The following RPS6KA2 variants were observed in gnomAD, a reference collection of about 807,000 sequenced individuals.
RPS6KA2 encodes ribosomal protein S6 kinase A2, also known as ribosomal protein S6 kinase alpha-2.
In RPS6KA2, 42 loss-of-function variants were observed where a neutral mutation model predicts 91.8. The observed-to-expected ratio is 0.46, with a 90% confidence interval of 0.36 to 0.59. The LOEUF (loss-of-function observed/expected upper bound fraction) is 0.59, where lower values mean the gene tolerates loss of function less well. RPS6KA2 is among the 20% of genes least tolerant of loss of function. The pLI, the probability that RPS6KA2 is intolerant of heterozygous loss-of-function variation, is 0.00. For missense variants in RPS6KA2, 798 were observed against 978.5 expected, an observed-to-expected ratio of 0.82 and a Z score of 2.46; for synonymous variants, 414 against 393.6, an observed-to-expected ratio of 1.05 and a Z score of -0.61.
At chr6:166,661,558 A>G (rs1477714306) in intron 2 of RPS6KA2, among the ~76,000 whole-genome samples, 3 of 152,002 alleles carry the variant, frequency 2.0e-5, no homozygotes, top group Non-Finnish European at 4.4e-5. Flanking sequence ...TTGTTTTCTA[A>G]GAGTTTTTGG....
At chr6:166,473,511 G>A (rs993376364) in intron 10 of RPS6KA2, among the ~76,000 whole-genome samples, 5 of 152,082 alleles carry the variant, frequency 3.3e-5, no homozygotes, top group South Asian at 2.1e-4. Context: ...TCATTGCACC[G>A]ATTCTGTCCA....
At chr6:166,717,630 A>G (rs1335186358) in intron 2 of RPS6KA2, among the ~76,000 whole-genome samples, 1 of 152,166 alleles carries the variant, frequency 6.6e-6, no homozygotes. Context: ...TGGGGTGCAC[A>G]GCACACGTTC....
rs3066763 is a variant in RPS6KA2 at position 166,759,066 on chromosome 6, CGTGT to C, written c.123+99130_123+99133del. Among the ~76,000 whole-genome samples the C allele has an allele frequency of 1.6e-3, 247 of 151,568 alleles. 4 individuals are homozygous for C. Among genetic ancestry groups the C allele is most frequent in the African/African-American group, 3.2e-3 (133 of 41,326 alleles). ...CATTTATCCAGGTCAATGTTGCATT[CGTGT>C]GTGTGTGTGTGTGCACATGTGTGTG... On this transcript the variant is annotated intron_variant, in intron 2 of 21. Transcript: ENST00000503859.
At chr6:166,772,259 C>T (rs1048028845) in intron 2 of RPS6KA2, among the ~76,000 whole-genome samples, 1 of 151,794 alleles carries the variant, frequency 6.6e-6, no homozygotes. Context: ...CCCCAGCCCC[C>T]CCACCACTGG....
rs1259977394 is a variant in RPS6KA2 at position 166,459,582 on chromosome 6, C to T, written c.973-31G>A. 2 of 1,514,730 alleles carry T rather than the reference C, an allele frequency of 1.3e-6. No individual in the cohort carries two copies. Among genetic ancestry groups the T allele is most frequent in the Non-Finnish European group, 1.8e-6 (2 of 1,091,772 alleles). The allele number at this position is 1,514,730 out of a possible 1,614,324, so 93.8% of individuals were successfully genotyped here. A position where few individuals can be genotyped will look rare whatever the true frequency, so the allele number is the denominator to read the frequency against. On this transcript the variant is annotated intron_variant, in intron 11 of 20. Transcript: ENST00000265678. This position sits in a 1 kb window ranked among gnomAD's most constrained non-coding sequence, Gnocchi z 4.9. ...AATACAAGGAAAGCAAGACAGGGCA[C>T]TGAGGATGCACAGACATTGCCACAG... is the stretch of plus-strand genomic sequence containing the variant.
chr6:166,532,093 C>T (rs1419550436), intron 2 of RPS6KA2, among the ~76,000 whole-genome samples: 1 of 152,222 alleles, frequency 6.6e-6, no homozygotes, highest in African/African-American at 2.4e-5. Context: ...ACACGGTGCA[C>T]TGGTGTGGCT....
intron 1 of RPS6KA2, among the ~76,000 whole-genome samples, chr6:166,542,627 G>T (rs1348931109): frequency 6.6e-6 from 1 of 152,198 alleles, no homozygotes; most frequent in South Asian, 2.1e-4. Flanking sequence ...TAAAATTCCT[G>T]CAGAACTGCA....
chr6:166,744,953 T>C (rs1476296739), intron 2 of RPS6KA2, among the ~76,000 whole-genome samples: 1 of 152,104 alleles, frequency 6.6e-6, no homozygotes, highest in Non-Finnish European at 1.5e-5. Context: ...CAGCTCAGGC[T>C]GCGTAACAAA....
chr6:166,614,684 G>A (rs917890973), intron 1 of RPS6KA2, among the ~76,000 whole-genome samples: 4 of 152,140 alleles, frequency 2.6e-5, no homozygotes, highest in Admixed American at 2.6e-4. Flanking sequence ...TGCTGGTGTT[G>A]GCAAGGCCGG....
chr6:166,420,723 C>T (rs1418663962), intron 17 of RPS6KA2, among the ~76,000 whole-genome samples: 2 of 152,178 alleles, frequency 1.3e-5, no homozygotes, highest in Non-Finnish European at 2.9e-5. Flanking sequence ...CTCTTTGCGT[C>T]CCTGCCTTCA....
At chr6:166,447,117 A>T (rs1028796712) in intron 14 of RPS6KA2, among the ~76,000 whole-genome samples, 3 of 152,106 alleles carry the variant, frequency 2.0e-5, no homozygotes, top group South Asian at 4.1e-4. Flanking sequence ...CAATCTCAAC[A>T]ATCCAAATCC....
intron 2 of RPS6KA2, among the ~76,000 whole-genome samples, chr6:166,756,787 G>A (rs1778022844): frequency 6.6e-6 from 1 of 151,954 alleles, no homozygotes; most frequent in African/African-American, 2.4e-5. Flanking sequence ...CGGAGGTTGT[G>A]GTGAGCCGAG....
rs532413257 is a variant in RPS6KA2, at chr6:166,662,760, G to A, written c.124-123976C>T. Among the ~76,000 whole-genome samples the A allele has an allele frequency of 6.6e-5, 10 of 152,172 alleles. No homozygotes were observed. In the South Asian group the frequency reaches 1.9e-3, roughly 28 times the overall value. ...TGTGTGCTCTCCAAATTCATATGTT[G>A]AAGTCCTAACCTCTGGTACTTAGAC... On this transcript the variant is annotated intron_variant, in intron 2 of 21. Transcript: ENST00000503859. This position sits in a 1 kb window ranked among gnomAD's most constrained non-coding sequence, Gnocchi z 4.3.
intron 2 of RPS6KA2, among the ~76,000 whole-genome samples, chr6:166,745,606 C>T (rs919226188): frequency 3.3e-5 from 5 of 152,192 alleles, no homozygotes; most frequent in Non-Finnish European, 5.9e-5. Context: ...TTTGCGAGGG[C>T]ACAGTTCAGC....
intron 12 of RPS6KA2, among the ~76,000 whole-genome samples, chr6:166,451,678 T>G (rs1374750675): frequency 6.6e-6 from 1 of 152,216 alleles, no homozygotes; most frequent in Non-Finnish European, 1.5e-5. Context: ...GTTCGACAGG[T>G]CCCACCCCTG....
intron 10 of RPS6KA2, among the ~76,000 whole-genome samples, chr6:166,486,904 C>T (rs1428048646): frequency 1.3e-5 from 2 of 152,216 alleles, no homozygotes; most frequent in Admixed American, 6.5e-5. Flanking sequence ...ATGCATGGCG[C>T]AGCTCCCAAA....
chr6:166,517,253 G>A (rs1230710150), intron 3 of RPS6KA2, among the ~76,000 whole-genome samples: 2 of 152,084 alleles, frequency 1.3e-5, no homozygotes, highest in Non-Finnish European at 2.9e-5. Context: ...CCAACATTTT[G>A]GGAGGCTGAG....
At chr6:166,599,996 A>AGTTT (rs111718759) in intron 1 of RPS6KA2, among the ~76,000 whole-genome samples, 1,892 of 151,878 alleles carry the variant, frequency 0.012, 41 homozygotes, top group African/African-American at 0.039. Flanking sequence ...GAGGGTGGTA[A>AGTTT]GTTTGTTTGT....
Position 166,626,803 on chromosome 6 carries a change from C to T in RPS6KA2, c.99+118G>A. Reference sequence around the variant, plus strand: ...GATTTTCGGAACCGGACCAGCTTTCCAGTAACTTGAACTCCCTGACGGGTC... The same window carrying T: ...GATTTTCGGAACCGGACCAGCTTTCTAGTAACTTGAACTCCCTGACGGGTC... On this transcript the variant is annotated intron_variant, in intron 1 of 20. Transcript: ENST00000265678. This position sits in a 1 kb window ranked among gnomAD's most constrained non-coding sequence, Gnocchi z 4.1. 1.2e-6 allele frequency: 1 copy of T among 822,012 alleles called. No individual in the cohort carries two copies. The highest frequency in any genetic ancestry group is 1.6e-6 in the Non-Finnish European group (1 of 606,938). The allele number at this position is 822,012 out of a possible 1,614,324, so 50.9% of individuals were successfully genotyped here.
Sources: allele counts gnomAD v4.1 joint callset (sites outside exome capture counted in the v4.1 genomes callset), GRCh38; gene constraint gnomAD v4.1.1; non-coding constraint Gnocchi (gnomAD v3.1); transcripts MANE v1.5; gene names NCBI Gene and HGNC (gene_info 2026-07-23, HGNC 2026-07-21).